The following RAP1GAP2 variants were observed in gnomAD, a reference collection of about 807,000 sequenced individuals.
RAP1GAP2 encodes RAP1 GTPase activating protein 2.
A neutral mutation model predicts 95.0 loss-of-function variants in RAP1GAP2; 27 were observed. The ratio of observed to expected loss-of-function variants is 0.28; its 90% confidence interval spans 0.21 to 0.39. The LOEUF (loss-of-function observed/expected upper bound fraction) is 0.39, where lower values mean the gene tolerates loss of function less well. Among genes scored for constraint, RAP1GAP2 ranks in the 10% least tolerant of loss-of-function variants. The pLI is 1.00. For synonymous variants in RAP1GAP2, 373 were observed against 380.9 expected (o/e 0.98, Z 0.24); for missense variants, 771 against 970.0 (o/e 0.79, Z 2.72).
intron 19 of RAP1GAP2, among the ~76,000 whole-genome samples, chr17:3,025,789 C>G (rs1597903613): frequency 6.6e-6 from 1 of 152,148 alleles, no homozygotes; most frequent in Non-Finnish European, 1.5e-5. Flanking sequence ...TCACCATGAA[C>G]CTAGAATAGT....
chr17:2,836,586 C>T (rs977542986), intron 2 of RAP1GAP2, among the ~76,000 whole-genome samples: 4 of 152,122 alleles, frequency 2.6e-5, no homozygotes, highest in Non-Finnish European at 4.4e-5. Flanking sequence ...GAGCTGAGAT[C>T]ACGTCACTGC....
intron 2 of RAP1GAP2, among the ~76,000 whole-genome samples, chr17:2,858,807 GGA>G (rs2072253377): frequency 6.6e-6 from 1 of 152,038 alleles, no homozygotes; most frequent in Admixed American, 6.6e-5. Flanking sequence ...CAGCTACTCG[GGA>G]GGCTGAGGCA....
intron 3 of RAP1GAP2, among the ~76,000 whole-genome samples, chr17:2,929,241 A>T (rs1182222320): frequency 6.6e-6 from 1 of 152,134 alleles, no homozygotes; most frequent in Non-Finnish European, 1.5e-5. Flanking sequence ...TCAAGAAAAA[A>T]ATAAAAGGCA....
intron 2 of RAP1GAP2, among the ~76,000 whole-genome samples, chr17:2,889,496 G>T (rs375403431): frequency 2.0e-5 from 3 of 151,996 alleles, no homozygotes; most frequent in African/African-American, 4.8e-5. Flanking sequence ...TGATCACCCA[G>T]TGGAGCTCCC....
chr17:2,921,362 C>T (rs981319512), intron 3 of RAP1GAP2, among the ~76,000 whole-genome samples: 2 of 151,928 alleles, frequency 1.3e-5, no homozygotes, highest in Non-Finnish European at 2.9e-5. Context: ...CCACCACACC[C>T]GGCTAACTTT....
intron 2 of RAP1GAP2, among the ~76,000 whole-genome samples, chr17:2,896,985 G>A (rs1316401248): frequency 6.6e-6 from 1 of 152,158 alleles, no homozygotes; most frequent in Non-Finnish European, 1.5e-5. Context: ...GGGACCAGTA[G>A]CCCCCTTTGA....
rs547694721 is a variant in RAP1GAP2, at chr17:2,912,218, C to T, written c.165+6850C>T. On this transcript the variant is annotated intron_variant, in intron 3 of 24. Coordinates refer to ENST00000254695, the MANE Select transcript of RAP1GAP2 (RefSeq NM_015085.5). ...GAGCCTCCTCCTTGCCCCTCTCTAT[C>T]CCTCTGGGCAGAGCTGGGCTGGGCC... Among the ~76,000 whole-genome samples, 653 of 152,324 alleles carry T rather than the reference C, an allele frequency of 4.3e-3. 3 individuals carry two copies. Among genetic ancestry groups the T allele is most frequent in the Middle Eastern group, 0.01 (3 of 294 alleles).
chr17:2,911,712 G>GGGT (rs763105935), intron 3 of RAP1GAP2, among the ~76,000 whole-genome samples: 1 of 138,328 alleles, frequency 7.2e-6, no homozygotes, highest in Non-Finnish European at 1.6e-5. Flanking sequence ...GGCGGGGTGG[G>GGGT]GCAGCCGGAA....
In RAP1GAP2 at chr17:2,963,230, T is replaced by G; in HGVS notation, c.247-200T>G. On this transcript the variant is annotated intron_variant, in intron 5 of 24. Transcript: ENST00000254695. This position sits in a 1 kb window ranked among gnomAD's most constrained non-coding sequence, Gnocchi z 4.8. ...GACACTGCATCATCAGCTGGCAGGGTTTATGTTTGGGTTCTGTCAGTTTGG... is the reference window on the plus strand; with the variant it reads ...GACACTGCATCATCAGCTGGCAGGGGTTATGTTTGGGTTCTGTCAGTTTGG... 1.5e-6 allele frequency: 1 copy of G among 651,420 alleles called. No individual in the cohort carries two copies. The highest frequency in any genetic ancestry group is 2.8e-5 in the East Asian group (1 of 36,298). 40.4% of individuals were successfully genotyped at this position (651,420 alleles called of 1,614,324 possible).
rs2069113065 is a variant in RAP1GAP2 at position 2,797,099 on chromosome 17, G to A, written c.44+528G>A. Among the ~76,000 whole-genome samples, 1 of 152,118 alleles carries A rather than the reference G, an allele frequency of 6.6e-6. No individual in the cohort carries two copies. Among genetic ancestry groups the A allele is most frequent in the African/African-American group, 2.4e-5 (1 of 41,402 alleles). On this transcript the variant is annotated intron_variant, in intron 1 of 24. Coordinates refer to ENST00000254695, the MANE Select transcript of RAP1GAP2 (RefSeq NM_015085.5). The surrounding 1 kb of genome is among the most constrained non-coding windows in gnomAD (Gnocchi z 5.6). ...TGTGTGTGATGCTCCTGTCTGTGCT[G>A]TTGTTGTGGCCTTGTGGCAGGGGAG...
chr17:2,945,641 G>A (rs2043673874), intron 3 of RAP1GAP2, among the ~76,000 whole-genome samples: 1 of 151,496 alleles, frequency 6.6e-6, no homozygotes, highest in Admixed American at 6.6e-5. Flanking sequence ...TGTCAAGGAA[G>A]TTCCCTTTTA....
chr17:2,805,928 A>G (rs556367075), intron 2 of RAP1GAP2, among the ~76,000 whole-genome samples: 1 of 152,236 alleles, frequency 6.6e-6, no homozygotes, highest in Non-Finnish European at 1.5e-5. Flanking sequence ...GGGGTGGGGA[A>G]GTCTAAAATC....
chr17:3,005,949 T>C lies in RAP1GAP2; in HGVS notation c.1273-6T>C, dbSNP rs2046317649. On this transcript the variant is annotated splice_region_variant and splice_polypyrimidine_tract_variant and intron_variant, in intron 15 of 24. Coordinates refer to ENST00000254695, the MANE Select transcript of RAP1GAP2 (RefSeq NM_015085.5). The surrounding 1 kb of genome is among the most constrained non-coding windows in gnomAD (Gnocchi z 5.2). ...ACAGACCTGAGGTCCGTCTTGTCTCTTCCAGGGCCCGGAATTCAGGGAGTT... is the reference window on the plus strand; with the variant it reads ...ACAGACCTGAGGTCCGTCTTGTCTCCTCCAGGGCCCGGAATTCAGGGAGTT... 6.2e-7 allele frequency: 1 copy of C among 1,613,492 alleles called. No homozygotes were observed. Among genetic ancestry groups the C allele is most frequent in the East Asian group, 2.2e-5 (1 of 44,850 alleles).
At chr17:2,924,089 C>A (rs1194590414) in intron 3 of RAP1GAP2, among the ~76,000 whole-genome samples, 2 of 152,142 alleles carry the variant, frequency 1.3e-5, no homozygotes, top group African/African-American at 2.4e-5. Flanking sequence ...AAGAACCAAA[C>A]CTTTGGGGTA....
intron 2 of RAP1GAP2, among the ~76,000 whole-genome samples, chr17:2,869,081 C>T (rs756180284): frequency 8.5e-5 from 13 of 152,132 alleles, no homozygotes; most frequent in Non-Finnish European, 1.6e-4. Context: ...TGATTCCATT[C>T]ATGAGGGCTT....
chr17:2,851,367 G>A (rs1429051630), intron 2 of RAP1GAP2, among the ~76,000 whole-genome samples: 1 of 152,200 alleles, frequency 6.6e-6, no homozygotes, highest in Non-Finnish European at 1.5e-5. Flanking sequence ...GGTAAGCCTA[G>A]CATTGATGGT....
At chr17:2,940,133 G>A (rs1362677559) in intron 3 of RAP1GAP2, among the ~76,000 whole-genome samples, 2 of 152,158 alleles carry the variant, frequency 1.3e-5, no homozygotes, top group South Asian at 2.1e-4. Flanking sequence ...TGCCTGGAGG[G>A]GGTGGGGAAC....
intron 2 of RAP1GAP2, among the ~76,000 whole-genome samples, chr17:2,890,906 G>A (rs1378775856): frequency 6.6e-6 from 1 of 151,484 alleles, no homozygotes; most frequent in Admixed American, 6.6e-5. Context: ...GGATGGTCTC[G>A]ATCTCCTGAC....
chr17:2,759,645 T>C (rs543688391), intron 1 of RAP1GAP2, among the ~76,000 whole-genome samples: 1 of 152,070 alleles, frequency 6.6e-6, no homozygotes, highest in South Asian at 2.1e-4. Flanking sequence ...GAGATGGGGT[T>C]TCACCATGTT....
Sources: allele counts gnomAD v4.1 joint callset (sites outside exome capture counted in the v4.1 genomes callset), GRCh38; gene constraint gnomAD v4.1.1; non-coding constraint Gnocchi (gnomAD v3.1); transcripts MANE v1.5; gene names NCBI Gene and HGNC (gene_info 2026-07-23, HGNC 2026-07-21).